LGMN: variants seen among roughly 807,000 people sequenced by gnomAD.
LGMN encodes the protein legumain.
LGMN carries 36 observed loss-of-function variants against 56.8 expected under a neutral mutation model. That is an observed-to-expected ratio of 0.63 (90% CI 0.49 to 0.84). The LOEUF (loss-of-function observed/expected upper bound fraction) is 0.84. Ranked by LOEUF, LGMN falls within the 40% of genes least tolerant of loss-of-function variation. The probability of loss-of-function intolerance (pLI) is 0.00; values close to 1 mark genes in which losing one functional copy is unlikely to be tolerated. For missense variants in LGMN, 446 were observed against 556.1 expected, an observed-to-expected ratio of 0.80 and a Z score of 1.99; for synonymous variants, 199 against 210.1, an observed-to-expected ratio of 0.95 and a Z score of 0.46.
chr14:92,732,857 C>T, intron 1 of LGMN, 42 bp from the exon 2 acceptor site: 1 of 1,543,074 alleles, frequency 6.5e-7, no homozygotes, highest in South Asian at 1.2e-5. Flanking sequence ...GCAACAAGAA[C>T]TGATAAACAT....
In LGMN at chr14:92,714,446, G is replaced by A. The variant is rs374624844; in HGVS notation, c.410C>T (p.Pro137Leu). The A allele has an allele frequency of 4.4e-6, 7 of 1,605,734 alleles. No homozygotes were observed. The highest frequency in any genetic ancestry group is 4.3e-6 in the Non-Finnish European group (5 of 1,173,442). The change falls in exon 6 of 14, where the codon CCC (proline) becomes CTC (leucine). Residue 137 changes from proline to leucine, a missense_variant. Transcript: ENST00000334869. This position sits in a 1 kb window ranked among gnomAD's most constrained non-coding sequence, Gnocchi z 5.1. ...GAAGTAAATGAACACGTGATCCTGG[G>A]GGCCACTGCCAAGAAGGAATCGGGG... ...IGSGKVLKSGPQDHVFIYFTD... is the reference protein window; with the variant it reads ...IGSGKVLKSGLQDHVFIYFTD...
In LGMN at chr14:92,717,375, C is replaced by A; in HGVS notation, c.318+5G>T. The A allele has an allele frequency of 6.4e-7, 1 of 1,562,220 alleles. No homozygotes were observed. The stretch of plus-strand genomic sequence containing the variant: ...CAGCTGGCTCCAACCGTAGAAGCCA[C>A]TCACCTCTCCAGTGTAGTCCTTCGG... On this transcript the variant is annotated splice_donor_5th_base_variant and intron_variant, in intron 4 of 13. Transcript: ENST00000334869.
At chr14:92,747,909 G>A (rs1470764905) in intron 1 of LGMN, among the ~76,000 whole-genome samples, 1 of 152,090 alleles carries the variant, frequency 6.6e-6, no homozygotes, top group African/African-American at 2.4e-5. Context: ...AAATAGGGAC[G>A]GGAAAGGAAA....
chr14:92,704,842 CT>C, intron 12 of LGMN, 135 bp from the exon 13 acceptor site: 2 of 711,464 alleles, frequency 2.8e-6, no homozygotes, highest in South Asian at 3.0e-5. Flanking sequence ...CTTTCCCAAC[CT>C]TTAGATAATC....
intron 11 of LGMN, among the ~76,000 whole-genome samples, chr14:92,708,880 AAT>A (rs1889587814): frequency 6.9e-6 from 1 of 145,908 alleles, no homozygotes; most frequent in Non-Finnish European, 1.5e-5. Context: ...AAAAAAAAAA[AAT>A]CTTGCCTAGA....
intron 2 of LGMN, among the ~76,000 whole-genome samples, chr14:92,729,553 T>C (rs1323549136): frequency 1.5e-5 from 2 of 134,206 alleles, no homozygotes; most frequent in Non-Finnish European, 3.1e-5. Context: ...CAAAACAAGG[T>C]TTAATTAACA....
At position 92,724,444 on chromosome 14, in the gene LGMN, C is replaced by T. The variant is rs563500711; in HGVS notation, c.139-5600G>A. Among the ~76,000 whole-genome samples, 16 of 152,318 alleles carry T rather than the reference C, an allele frequency of 1.1e-4. No homozygotes were observed. The South Asian group carries it at 1.5e-3, about 14-fold the overall frequency. ...CTACCTTTGTTAACTCAGCGGGGTT[C>T]TTCCATTAAGTCAAATATTTACTAG... On this transcript the variant is annotated intron_variant, in intron 2 of 13. Coordinates refer to ENST00000334869, the MANE Select transcript of LGMN (RefSeq NM_005606.7).
At chr14:92,744,405 C>T (rs1286001421) in intron 1 of LGMN, among the ~76,000 whole-genome samples, 1 of 152,090 alleles carries the variant, frequency 6.6e-6, no homozygotes, top group African/African-American at 2.4e-5. Flanking sequence ...GACTTCCTTC[C>T]CCCTCTGTAG....
At chr14:92,710,705 G>A in intron 10 of LGMN, among the ~76,000 whole-genome samples, 1 of 152,178 alleles carries the variant, frequency 6.6e-6, no homozygotes, top group East Asian at 1.9e-4. Flanking sequence ...CCAATGATGA[G>A]GACACTGTGA....
chr14:92,715,154 A>G (rs1048484685), intron 5 of LGMN, among the ~76,000 whole-genome samples: 1 of 151,848 alleles, frequency 6.6e-6, no homozygotes, highest in Non-Finnish European at 1.5e-5. Flanking sequence ...ACACGCCACC[A>G]CGCCTGGTTA....
Position 92,706,464 on chromosome 14 carries a change from G to A in LGMN, c.1191+19C>T. 1 of 1,499,808 alleles carries A rather than the reference G, an allele frequency of 6.7e-7. No individual in the cohort carries two copies. The highest frequency in any genetic ancestry group is 2.4e-5 in the East Asian group (1 of 42,380). The allele number at this position is 1,499,808 out of a possible 1,614,324, so 92.9% of individuals were successfully genotyped here. A position where few individuals can be genotyped will look rare whatever the true frequency, so the allele number is the denominator to read the frequency against. On this transcript the variant is annotated intron_variant, in intron 12 of 13. Transcript: ENST00000334869. ...TTCAGCTTCTGGATTCTGGTCATGG[G>A]GAGAGCCTGCTGGCTCACCGTGGGG...
intron 1 of LGMN, among the ~76,000 whole-genome samples, chr14:92,744,710 C>T (rs1891739865): frequency 6.6e-6 from 1 of 151,840 alleles, no homozygotes; most frequent in Non-Finnish European, 1.5e-5. Flanking sequence ...ATTCTCCTGC[C>T]TCAGCCTCCC....
chr14:92,732,692 A>G lies in LGMN; in HGVS notation c.95T>C (p.Val32Ala). ...DPEDGGKHWV[V>A]IVAGSNGWYN... Reference sequence around the variant, plus strand: ...CCAGCCATTTGAACCTGCCACGATCACCACCCAGTGCTTGCCTCCATCTTC... The same window carrying G: ...CCAGCCATTTGAACCTGCCACGATCGCCACCCAGTGCTTGCCTCCATCTTC... The change falls in exon 2 of 14, where the codon GTG becomes GCG. Residue 32 changes from valine (V) to alanine (A), a missense_variant. Coordinates refer to ENST00000334869, the MANE Select transcript of LGMN (RefSeq NM_005606.7). 2 of 1,614,150 alleles carry G rather than the reference A, an allele frequency of 1.2e-6. No homozygotes were observed. Among genetic ancestry groups the G allele is most frequent in the Non-Finnish European group, 1.7e-6 (2 of 1,180,020 alleles).
chr14:92,728,605 C>A (rs916736969), intron 2 of LGMN, among the ~76,000 whole-genome samples: 2 of 152,172 alleles, frequency 1.3e-5, no homozygotes, highest in Non-Finnish European at 2.9e-5. Context: ...TGACCTGCTT[C>A]CTTTGGCTGT....
intron 1 of LGMN, among the ~76,000 whole-genome samples, chr14:92,739,376 C>G: frequency 6.6e-6 from 1 of 152,258 alleles, no homozygotes; most frequent in East Asian, 1.9e-4. Flanking sequence ...CCCCATTACA[C>G]AGGCCTCATC....
rs759839078 is a variant in LGMN, at chr14:92,712,798, C to A, written c.610+7G>T. On this transcript the variant is annotated splice_region_variant and intron_variant, in intron 8 of 13. Transcript: ENST00000334869. ...CCCAGGTCGAGGCCGGCGCCCCAAC[C>A]ACCTACCATTGATGTTATCCGGCAG... 1.1e-4 allele frequency: 185 copies of A among 1,613,408 alleles called. No homozygotes were observed. Among genetic ancestry groups the A allele is most frequent in the Non-Finnish European group, 7.2e-5 (85 of 1,179,822 alleles).
At chr14:92,715,979 C>T in intron 5 of LGMN, 157 bp downstream of exon 5, 1 of 484,222 alleles carries the variant, frequency 2.1e-6, no homozygotes, top group Non-Finnish European at 3.7e-6. Flanking sequence ...ACTGAAACAA[C>T]AGCCCTAAGC....
intron 1 of LGMN, among the ~76,000 whole-genome samples, chr14:92,744,175 A>C (rs371760534): frequency 1.3e-5 from 2 of 152,258 alleles, no homozygotes; most frequent in African/African-American, 4.8e-5. Flanking sequence ...AAAAAGAAAA[A>C]GAAAAATCTA....
rs988227055 is a variant in LGMN at position 92,713,178 on chromosome 14, G to A, written c.544-307C>T. 2.6e-5 allele frequency among the ~76,000 whole-genome samples: 4 copies of A among 152,188 alleles called. No homozygotes were observed. In the East Asian group the frequency reaches 7.7e-4, roughly 29 times the overall value. On this transcript the variant is annotated intron_variant, in intron 7 of 13. Transcript: ENST00000334869. Reference sequence around the variant, plus strand: ...GGAGGAGTTTCAAAGACCATACAGTGCAGCAGGCCATCTTTCTGCGTTACT... The same window carrying A: ...GGAGGAGTTTCAAAGACCATACAGTACAGCAGGCCATCTTTCTGCGTTACT...
Sources: allele counts gnomAD v4.1 joint callset (sites outside exome capture counted in the v4.1 genomes callset), GRCh38; gene constraint gnomAD v4.1.1; non-coding constraint Gnocchi (gnomAD v3.1); transcripts MANE v1.5; gene names NCBI Gene and HGNC (gene_info 2026-07-23, HGNC 2026-07-21).